SLC4A1AP: variants seen among roughly 807,000 people sequenced by gnomAD.
SLC4A1AP encodes the protein solute carrier family 4 member 1 adaptor protein.
Under a neutral mutation model 89.7 loss-of-function variants are expected in SLC4A1AP, and 64 were observed. The observed-to-expected ratio is 0.71, with a 90% CI of 0.58 to 0.88. The LOEUF (loss-of-function observed/expected upper bound fraction) is 0.88, where lower values mean the gene tolerates loss of function less well. Ranked by LOEUF, SLC4A1AP falls within the 40% of genes least tolerant of loss-of-function variation. The pLI is 0.00. For missense variants in SLC4A1AP, 931 were observed against 965.0 expected (o/e 0.96, Z 0.47); for synonymous variants, 366 against 353.3 (o/e 1.04, Z -0.40).
chr2:27,664,657 A>C, intron 1 of SLC4A1AP, 80 bp downstream of exon 1: 1 of 1,108,988 alleles, frequency 9.0e-7, no homozygotes, highest in Non-Finnish European at 1.3e-6. Context: ...GATGAGGAAG[A>C]AGAATCTCCC....
chr2:27,685,161 A>G lies in SLC4A1AP; in HGVS notation c.2000A>G (p.Lys667Arg), dbSNP rs754191010. The change falls in exon 10 of 14, where the codon AAA becomes AGA. Residue 667 changes from lysine to arginine, a missense_variant. Physicochemically the swap from Lys to Arg is conservative, Grantham distance 26. Coordinates refer to ENST00000613058, the Ensembl canonical transcript of SLC4A1AP. ...AAAGAAAAGGAGGAGCATGAAAAGA[A>G]AAAACTGGAGGATGGAAGCCTCAGT... is the stretch of plus-strand genomic sequence containing the variant. 4 of 1,614,186 alleles carry G rather than the reference A, an allele frequency of 2.5e-6. No homozygotes were observed. The South Asian group carries it at 4.4e-5, about 18-fold the overall frequency.
intron 5 of SLC4A1AP, among the ~76,000 whole-genome samples, chr2:27,672,935 G>C (rs2148133306): frequency 6.6e-6 from 1 of 152,330 alleles, no homozygotes; most frequent in Middle Eastern, 3.4e-3. Context: ...TTCTCATTCA[G>C]CTGTTTTCAG....
intron 6 of SLC4A1AP, among the ~76,000 whole-genome samples, chr2:27,676,127 T>C (rs182834504): frequency 2.2e-4 from 33 of 152,314 alleles, no homozygotes; most frequent in African/African-American, 7.7e-4. Flanking sequence ...GACGTGTTAA[T>C]GGGTAGGTAA....
chr2:27,682,705 A>G (rs1675640943), intron 9 of SLC4A1AP, among the ~76,000 whole-genome samples: 1 of 151,890 alleles, frequency 6.6e-6, no homozygotes. Context: ...TTGTATTTTT[A>G]GTAGGATGGG....
In SLC4A1AP at chr2:27,685,493, A is replaced by G. The variant is rs147798989; in HGVS notation, c.2116+216A>G. ...AATTAAGGGCAGTTATTTCCAATCC[A>G]TTCCAGAATTACAGAAAATTGAAGG... On this transcript the variant is annotated intron_variant, in intron 10 of 13. Coordinates refer to ENST00000613058, the Ensembl canonical transcript of SLC4A1AP. Among the ~76,000 whole-genome samples the G allele has an allele frequency of 1.3e-3, 194 of 152,334 alleles. 2 individuals are homozygous for G. The highest frequency in any genetic ancestry group is 4.5e-3 in the African/African-American group (189 of 41,574).
chr2:27,667,876 T>C (rs1353491961), intron 3 of SLC4A1AP, among the ~76,000 whole-genome samples: 2 of 151,340 alleles, frequency 1.3e-5, no homozygotes, highest in African/African-American at 4.8e-5. Flanking sequence ...ATTTTATATG[T>C]ATATATAAAT....
intron 8 of SLC4A1AP, among the ~76,000 whole-genome samples, chr2:27,681,376 G>A (rs569065461): frequency 1.3e-5 from 2 of 152,248 alleles, no homozygotes; most frequent in African/African-American, 4.8e-5. Context: ...GTAGCAAGTG[G>A]GGCTTCAGGG....
intron 12 of SLC4A1AP, 42 bp downstream of exon 12, chr2:27,688,809 G>A (rs1421580341): frequency 2.1e-6 from 3 of 1,424,828 alleles, no homozygotes; most frequent in Admixed American, 4.1e-5. Context: ...GAATCCCTTT[G>A]TCATGGACCA....
intron 5 of SLC4A1AP, among the ~76,000 whole-genome samples, chr2:27,673,728 G>A (rs987834155): frequency 1.3e-5 from 2 of 152,092 alleles, no homozygotes; most frequent in Non-Finnish European, 1.5e-5. Context: ...TAGGGAAAGA[G>A]GGAAATTAGA....
At chr2:27,686,088 A>G (rs1239950983) in intron 10 of SLC4A1AP, among the ~76,000 whole-genome samples, 2 of 152,186 alleles carry the variant, frequency 1.3e-5, no homozygotes, top group African/African-American at 4.8e-5. Context: ...GAAAATAAGG[A>G]GTATGAGGAG....
At position 27,669,291 on chromosome 2, in the gene SLC4A1AP, G is replaced by A. The variant is rs1330398696; in HGVS notation, c.1249G>A (p.Ala417Thr). 5.6e-6 allele frequency: 9 copies of A among 1,613,056 alleles called. No homozygotes were observed. In the South Asian group the frequency reaches 7.7e-5, roughly 14 times the overall value. ...AACTGGAAAACAACTGGTGGCTGAG[G>A]CCATTCACTCAGGAAAGAAAAAAGA... Residue 417 changes from alanine (A) to threonine (T), a missense_variant, in exon 5 of 14, where the codon GCC (alanine) becomes ACC (threonine). Transcript: ENST00000613058.
intron 8 of SLC4A1AP, 33 bp from the exon 9 acceptor site, chr2:27,682,215 G>C: frequency 7.0e-7 from 1 of 1,438,188 alleles, no homozygotes; most frequent in Non-Finnish European, 9.7e-7. Context: ...GGACTCCCTG[G>C]AATAGATGTG....
At chr2:27,673,183 C>T (rs965412707) in intron 5 of SLC4A1AP, among the ~76,000 whole-genome samples, 16 of 152,150 alleles carry the variant, frequency 1.1e-4, no homozygotes, top group Non-Finnish European at 2.2e-4. Flanking sequence ...GCAGTGTAAT[C>T]ACTTTGGCTC....
intron 13 of SLC4A1AP, among the ~76,000 whole-genome samples, chr2:27,694,005 G>A (rs1178071320): frequency 6.6e-6 from 1 of 152,112 alleles, no homozygotes; most frequent in Non-Finnish European, 1.5e-5. Flanking sequence ...TGTGAATGAT[G>A]TTGAGTTATG....
At chr2:27,670,590 C>T (rs1326086520) in intron 5 of SLC4A1AP, among the ~76,000 whole-genome samples, 3 of 151,812 alleles carry the variant, frequency 2.0e-5, no homozygotes, top group Non-Finnish European at 2.9e-5. Context: ...GGCGCGGTTG[C>T]TCACGCCTGT....
At chr2:27,680,883 A>G (rs1482348902) in intron 8 of SLC4A1AP, among the ~76,000 whole-genome samples, 1 of 149,896 alleles carries the variant, frequency 6.7e-6, no homozygotes, top group East Asian at 1.9e-4. Flanking sequence ...AGCTTCCTCC[A>G]GAGCCTCCTC....
At chr2:27,673,006 C>G (rs1675450254) in intron 5 of SLC4A1AP, among the ~76,000 whole-genome samples, 2 of 145,248 alleles carry the variant, frequency 1.4e-5, no homozygotes, top group South Asian at 4.6e-4. Context: ...AACTCGTAAT[C>G]CAAAGGCTTT....
At chr2:27,664,397 C>T in exon 1 of SLC4A1AP, 1 of 1,614,224 alleles carries the variant, frequency 6.2e-7, no homozygotes, top group Non-Finnish European at 8.5e-7. Flanking sequence ...TGCTGCAGCA[C>T]AGGGCGTCCG....
At chr2:27,677,213 A>G in intron 6 of SLC4A1AP, 82 bp from the exon 7 acceptor site, 2 of 894,872 alleles carry the variant, frequency 2.2e-6, no homozygotes, top group Non-Finnish European at 1.8e-6. Context: ...TAAAACTTCT[A>G]GTAAGAATAA....
Sources: gnomAD v4.1 joint callset for allele counts (sites outside exome capture counted in the v4.1 genomes callset) on GRCh38, gnomAD v4.1.1 for gene constraint, MANE v1.5 for transcripts, NCBI Gene and HGNC (gene_info 2026-07-23, HGNC 2026-07-21) for gene names.